The following ATXN1 variants were observed in gnomAD, a reference collection of about 807,000 sequenced individuals.
The protein encoded by ATXN1 is ataxin 1, also known as ataxin-1.
ATXN1 carries 8 observed loss-of-function variants against 56.4 expected under a neutral mutation model. The observed-to-expected ratio is 0.14, with a 90% CI of 0.08 to 0.26. The LOEUF (loss-of-function observed/expected upper bound fraction) is 0.26. Ranked by LOEUF, ATXN1 falls within the 10% of genes least tolerant of loss-of-function variation. ATXN1 has a pLI of 1.00. For missense variants in ATXN1, 987 were observed against 1,106.5 expected, an observed-to-expected ratio of 0.89 and a Z score of 1.53; for synonymous variants, 514 against 494.6, an observed-to-expected ratio of 1.04 and a Z score of -0.52.
Position 16,674,589 on chromosome 6 carries a change from C to T in ATXN1, c.-614-16688G>A, listed in dbSNP as rs144943215. On this transcript the variant is annotated intron_variant, in intron 2 of 7. Coordinates refer to ENST00000436367, the MANE Select transcript of ATXN1 (RefSeq NM_001128164.2). ...AGCTAGGCTGGTCTCAAACTCCTCA[C>T]CTCATGATCTGCCCACCTTGGCCTC... 4.8e-3 allele frequency among the ~76,000 whole-genome samples: 722 copies of T among 151,664 alleles called. 3 individuals are homozygous for T. Among genetic ancestry groups the T allele is most frequent in the African/African-American group, 0.017 (697 of 41,262 alleles).
chr6:16,599,767 T>C (rs1762881646), intron 3 of ATXN1, among the ~76,000 whole-genome samples: 1 of 150,406 alleles, frequency 6.6e-6, no homozygotes, highest in Non-Finnish European at 1.5e-5. Flanking sequence ...ATTTAAAAAA[T>C]AATAAACAGT....
intron 2 of ATXN1, chr6:16,667,697 G>A (rs941477173): frequency 1.3e-5 from 2 of 152,214 alleles, no homozygotes; most frequent in East Asian, 3.8e-4. Context: ...GTAAGGCAAG[G>A]AGCTATGTAG....
chr6:16,421,558 A>G (rs1010741613), intron 6 of ATXN1, among the ~76,000 whole-genome samples: 1 of 147,284 alleles, frequency 6.8e-6, no homozygotes, highest in African/African-American at 2.5e-5. Context: ...AAAAGGCTGT[A>G]GAGTTCAACA....
rs1344627173 is a variant in ATXN1 at position 16,306,476 on chromosome 6, C to T, written c.2301G>A (p.Ala767=). Residue 767 remains alanine (A), a synonymous_variant, in exon 8 of 8, where the codon GCG becomes GCA. Transcript: ENST00000436367. The surrounding 1 kb of genome is among the most constrained non-coding windows in gnomAD (Gnocchi z 5.2). The stretch of plus-strand genomic sequence containing the variant: ...CCGACCACCTCCTCTTCCTCGTTGC[C>T]GCGGGCTTGCTGGGTTCTATTTTGG... The part of the protein sequence containing the change: ...FLTKIEPSKP[A]ATRKRRWSAP... 2 of 1,614,178 alleles carry T rather than the reference C, an allele frequency of 1.2e-6. No homozygotes were observed. Among genetic ancestry groups the T allele is most frequent in the Non-Finnish European group, 1.7e-6 (2 of 1,180,036 alleles).
At chr6:16,467,214 T>C (rs923908752) in intron 6 of ATXN1, among the ~76,000 whole-genome samples, 8 of 152,226 alleles carry the variant, frequency 5.3e-5, no homozygotes, top group Non-Finnish European at 1.0e-4. Flanking sequence ...TCTTGATTAG[T>C]CTATTTAAAA....
chr6:16,372,796 G>C (rs998712666), intron 6 of ATXN1, among the ~76,000 whole-genome samples: 1 of 152,054 alleles, frequency 6.6e-6, no homozygotes, highest in South Asian at 2.1e-4. Context: ...CATGTCTATA[G>C]TCCTTGCTAC....
At chr6:16,393,694 A>G (rs942924951) in intron 6 of ATXN1, among the ~76,000 whole-genome samples, 3 of 152,150 alleles carry the variant, frequency 2.0e-5, no homozygotes. Flanking sequence ...AAAATGCACT[A>G]CTTAGCTTCC....
rs764254890 is a variant in ATXN1 at position 16,328,195 on chromosome 6, C to G, written c.116G>C (p.Arg39Pro). 1.9e-6 allele frequency: 3 copies of G among 1,597,484 alleles called. No individual in the cohort carries two copies. The East Asian group carries it at 6.7e-5, about 36-fold the overall frequency. ...KAPTLPSDNHRVEGTAWLPGN... is the reference protein window; with the variant it reads ...KAPTLPSDNHPVEGTAWLPGN... ...CGGGAGCCATGCTGTGCCCTCCACC[C>G]GGTGGTTGTCGCTGGGCAGGGTAGG... The change falls in exon 7 of 8, where the codon CGG becomes CCG. Residue 39 changes from arginine (R) to proline (P), a missense_variant. This residue lies in a region of ATXN1 where 723 missense variants were observed against 791.7 expected (regional missense o/e 0.91). Coordinates refer to ENST00000436367, the MANE Select transcript of ATXN1 (RefSeq NM_001128164.2). This position sits in a 1 kb window ranked among gnomAD's most constrained non-coding sequence, Gnocchi z 6.2.
chr6:16,374,350 C>G (rs1199641396), intron 6 of ATXN1, among the ~76,000 whole-genome samples: 2 of 152,256 alleles, frequency 1.3e-5, no homozygotes, highest in East Asian at 3.9e-4. Flanking sequence ...ATAGTTTAAG[C>G]CTGCTTTAAC....
chr6:16,392,584 C>T (rs1758377616), intron 6 of ATXN1, among the ~76,000 whole-genome samples: 1 of 152,070 alleles, frequency 6.6e-6, no homozygotes, highest in East Asian at 1.9e-4. Context: ...CAACCTCCGC[C>T]TTCTAGGTTC....
At chr6:16,709,000 TG>T (rs1458712277) in intron 2 of ATXN1, among the ~76,000 whole-genome samples, 1 of 144,900 alleles carries the variant, frequency 6.9e-6, no homozygotes, top group Non-Finnish European at 1.5e-5. Flanking sequence ...AACTCCAGCC[TG>T]GGTGAAAGAG....
chr6:16,604,884 C>G (rs1762976422), intron 3 of ATXN1, among the ~76,000 whole-genome samples: 1 of 152,182 alleles, frequency 6.6e-6, no homozygotes, highest in African/African-American at 2.4e-5. Context: ...CTGCACCCAG[C>G]TGACCACCTG....
intron 6 of ATXN1, among the ~76,000 whole-genome samples, chr6:16,347,946 C>A (rs1250243314): frequency 1.3e-5 from 2 of 152,222 alleles, no homozygotes; most frequent in African/African-American, 2.4e-5. Flanking sequence ...CCTGTATGAG[C>A]TATAACACTC....
intron 4 of ATXN1, among the ~76,000 whole-genome samples, chr6:16,531,239 C>T (rs1201509469): frequency 1.3e-5 from 2 of 152,208 alleles, no homozygotes; most frequent in Non-Finnish European, 2.9e-5. Flanking sequence ...CCTCTCACCA[C>T]AGCTAAAGAT....
At chr6:16,496,030 G>A (rs1760774306) in intron 5 of ATXN1, among the ~76,000 whole-genome samples, 2 of 152,146 alleles carry the variant, frequency 1.3e-5, no homozygotes, top group African/African-American at 4.8e-5. Flanking sequence ...TACGTCAACA[G>A]CACTCATTTT....
chr6:16,315,929 G>A (rs116744799), intron 7 of ATXN1, among the ~76,000 whole-genome samples: 392 of 152,216 alleles, frequency 2.6e-3, no homozygotes, highest in African/African-American at 8.6e-3. Flanking sequence ...GTGCCCTCTT[G>A]CCTCAGCCTC....
At chr6:16,349,919 C>T (rs922558847) in intron 6 of ATXN1, among the ~76,000 whole-genome samples, 3 of 152,206 alleles carry the variant, frequency 2.0e-5, no homozygotes, top group Non-Finnish European at 4.4e-5. Flanking sequence ...ACGCAGAACA[C>T]ATAGTACACT....
At chr6:16,677,851 C>CAT (rs1383069457) in intron 2 of ATXN1, among the ~76,000 whole-genome samples, 1 of 152,204 alleles carries the variant, frequency 6.6e-6, no homozygotes, top group Admixed American at 6.5e-5. Context: ...TGTCAACTAT[C>CAT]ATACCCTATT....
chr6:16,662,209 T>C (rs1394392258), intron 2 of ATXN1, among the ~76,000 whole-genome samples: 1 of 152,250 alleles, frequency 6.6e-6, no homozygotes, highest in East Asian at 1.9e-4. Context: ...TGCATCACAC[T>C]ACCCCTTTAA....
Sources: allele counts gnomAD v4.1 joint callset (sites outside exome capture counted in the v4.1 genomes callset), GRCh38; gene constraint gnomAD v4.1.1; regional missense constraint gnomAD v4.1.1; non-coding constraint Gnocchi (gnomAD v3.1); transcripts MANE v1.5; gene names NCBI Gene and HGNC (gene_info 2026-07-23, HGNC 2026-07-21).